DAB1: variants seen among roughly 807,000 people sequenced by gnomAD.
DAB1 encodes disabled homolog 1.
DAB1 carries 15 observed loss-of-function variants against 64.6 expected under a neutral mutation model. The ratio of observed to expected loss-of-function variants is 0.23; its 90% CI spans 0.16 to 0.36. The LOEUF (loss-of-function observed/expected upper bound fraction) is 0.36, where lower values mean the gene tolerates loss of function less well. DAB1 is among the 10% of genes least tolerant of loss of function. The pLI is 1.00. For missense variants in DAB1, 596 were observed against 706.7 expected (o/e 0.84, Z 1.78); for synonymous variants, 235 against 251.9 (o/e 0.93, Z 0.64).
At chr1:57,306,623 A>G (rs1674208236) in intron 1 of DAB1, among the ~76,000 whole-genome samples, 2 of 151,200 alleles carry the variant, frequency 1.3e-5, no homozygotes, top group African/African-American at 2.4e-5. Context: ...AGCACTTGGT[A>G]AATTCGGAAA....
intron 4 of DAB1, among the ~76,000 whole-genome samples, chr1:57,102,614 T>TCA (rs777511007): frequency 1.1e-4 from 16 of 152,230 alleles, no homozygotes; most frequent in Non-Finnish European, 2.2e-4. Flanking sequence ...AGTGCTTGTT[T>TCA]CAACTATTTT....
Position 57,718,923 on chromosome 1 carries a change from T to C in DAB1, n.552-69258A>G, listed in dbSNP as rs148413734. Among the ~76,000 whole-genome samples, 663 of 151,908 alleles carry C rather than the reference T, an allele frequency of 4.4e-3. 6 individuals are homozygous for C. The highest frequency in any genetic ancestry group is 0.015 in the African/African-American group (624 of 41,452). ...AGTGACTGTGAAAAAAATACTGATTTCCTGCCAAAAAGGGGATTATTCCAG... is the reference window on the plus strand; with the variant it reads ...AGTGACTGTGAAAAAAATACTGATTCCCTGCCAAAAAGGGGATTATTCCAG... On this transcript the variant is annotated intron_variant and non_coding_transcript_variant, in intron 6 of 20. Coordinates refer to the DAB1 transcript ENST00000485760.
chr1:57,328,355 G>A (rs1039849198), intron 1 of DAB1, among the ~76,000 whole-genome samples: 1 of 152,096 alleles, frequency 6.6e-6, no homozygotes, highest in African/African-American at 2.4e-5. Flanking sequence ...CACGTGGGGT[G>A]CTATACTCAA....
intron 4 of DAB1, among the ~76,000 whole-genome samples, chr1:58,187,147 T>C (rs1486281486): frequency 6.6e-6 from 1 of 152,030 alleles, no homozygotes; most frequent in Non-Finnish European, 1.5e-5. Flanking sequence ...GTGATGGTGA[T>C]GAAAGATTAA....
chr1:57,212,957 G>A (rs779115048), intron 2 of DAB1, among the ~76,000 whole-genome samples: 3 of 152,216 alleles, frequency 2.0e-5, no homozygotes, highest in Non-Finnish European at 4.4e-5. Flanking sequence ...CCAGTGAAGT[G>A]TGGCAGGCAG....
chr1:57,351,026 A>G (rs1427835563), intron 1 of DAB1, among the ~76,000 whole-genome samples: 2 of 152,182 alleles, frequency 1.3e-5, no homozygotes, highest in Non-Finnish European at 2.9e-5. Context: ...CACTTCTTAC[A>G]TACTAGCCAT....
At chr1:58,464,230 T>C (rs1005848905) in intron 3 of DAB1, among the ~76,000 whole-genome samples, 8 of 152,234 alleles carry the variant, frequency 5.3e-5, no homozygotes, top group African/African-American at 1.9e-4. Context: ...TGTGTATGCA[T>C]GGAAGACATC....
chr1:58,265,120 A>G (rs917825433), intron 4 of DAB1, among the ~76,000 whole-genome samples: 3 of 152,206 alleles, frequency 2.0e-5, no homozygotes, highest in African/African-American at 4.8e-5. Flanking sequence ...GAGTAGAGCT[A>G]GGAGAGGGCA....
chr1:57,675,678 C>T lies in DAB1; in HGVS notation n.552-26013G>A, dbSNP rs538147768. On this transcript the variant is annotated intron_variant and non_coding_transcript_variant, in intron 6 of 20. Transcript: ENST00000485760. The stretch of plus-strand genomic sequence containing the variant: ...GTAATTATCATTAGCATAAATTATA[C>T]ATCTATTCAGCACAAATATATACAT... Among the ~76,000 whole-genome samples, 7 of 152,258 alleles carry T rather than the reference C, an allele frequency of 4.6e-5. No homozygotes were observed. In the South Asian group the frequency reaches 1.5e-3, roughly 32 times the overall value.
At chr1:58,258,914 C>T (rs1660991720) in intron 4 of DAB1, among the ~76,000 whole-genome samples, 2 of 152,164 alleles carry the variant, frequency 1.3e-5, no homozygotes, top group Admixed American at 1.3e-4. Flanking sequence ...GAGTTCAATT[C>T]CTGCCTCTGC....
At chr1:57,928,335 A>C (rs960654724) in intron 5 of DAB1, among the ~76,000 whole-genome samples, 2 of 152,024 alleles carry the variant, frequency 1.3e-5, no homozygotes, top group Non-Finnish European at 2.9e-5. Context: ...AATTCAGAGG[A>C]AGGTACAGAG....
chr1:58,411,491 GC>G (rs1210484679), intron 3 of DAB1, among the ~76,000 whole-genome samples: 1 of 152,200 alleles, frequency 6.6e-6, no homozygotes, highest in Non-Finnish European at 1.5e-5. Flanking sequence ...TGCTGTGGGA[GC>G]CTCTAATCCA....
chr1:57,564,616 A>G (rs996155851), intron 7 of DAB1, among the ~76,000 whole-genome samples: 1 of 152,244 alleles, frequency 6.6e-6, no homozygotes, highest in African/African-American at 2.4e-5. Context: ...AAACCATGGC[A>G]CGAGAACTAC....
chr1:57,000,981 C>A (rs1203001484), intron 14 of DAB1, among the ~76,000 whole-genome samples: 1 of 152,222 alleles, frequency 6.6e-6, no homozygotes, highest in Non-Finnish European at 1.5e-5. Flanking sequence ...ATACCCATCA[C>A]AACAGCAGTA....
chr1:58,141,162 T>C (rs1182865333), intron 5 of DAB1, among the ~76,000 whole-genome samples: 1 of 152,132 alleles, frequency 6.6e-6, no homozygotes, highest in East Asian at 1.9e-4. Flanking sequence ...TGTATTAGTC[T>C]GCTCTCACGC....
At chr1:57,735,242 T>C (rs1482596505) in intron 6 of DAB1, among the ~76,000 whole-genome samples, 1 of 152,210 alleles carries the variant, frequency 6.6e-6, no homozygotes, top group Admixed American at 6.5e-5. Context: ...ACCAAGTTTT[T>C]ACTACTGGTT....
chr1:57,857,063 T>C (rs1157513263), intron 1 of DAB1, among the ~76,000 whole-genome samples: 4 of 152,218 alleles, frequency 2.6e-5, no homozygotes, highest in Non-Finnish European at 5.9e-5. Context: ...GTATCACTAG[T>C]GGTGTCTCTC....
chr1:57,408,907 T>G (rs1485374353), intron 1 of DAB1, among the ~76,000 whole-genome samples: 2 of 152,126 alleles, frequency 1.3e-5, no homozygotes, highest in Admixed American at 6.5e-5. Flanking sequence ...TCAGCTGATT[T>G]CCAGTTAGAT....
chr1:58,153,231 A>C (rs2100736652), intron 4 of DAB1, among the ~76,000 whole-genome samples: 1 of 152,300 alleles, frequency 6.6e-6, no homozygotes, highest in Admixed American at 6.5e-5. Flanking sequence ...GGACAACTTT[A>C]GCGTGTTTGC....
Sources: gnomAD v4.1 joint callset for allele counts (sites outside exome capture counted in the v4.1 genomes callset) on GRCh38, gnomAD v4.1.1 for gene constraint, MANE v1.5 for transcripts, NCBI Gene and HGNC (gene_info 2026-07-23, HGNC 2026-07-21) for gene names.